APBB1IP: variants seen among roughly 807,000 people sequenced by gnomAD.
The protein encoded by APBB1IP is amyloid beta A4 precursor protein-binding family B member 1-interacting protein.
APBB1IP carries 27 observed loss-of-function variants against 64.9 expected under a neutral mutation model. That is an observed-to-expected ratio of 0.42 (90% CI 0.31 to 0.57). The LOEUF (loss-of-function observed/expected upper bound fraction) is 0.57, where lower values mean the gene tolerates loss of function less well. Among genes scored for constraint, APBB1IP ranks in the 20% least tolerant of loss-of-function variants. APBB1IP has a pLI of 0.20. For synonymous variants in APBB1IP, 392 were observed against 331.0 expected, an observed-to-expected ratio of 1.18 and a Z score of -2.00; for missense variants, 812 against 845.5, an observed-to-expected ratio of 0.96 and a Z score of 0.49.
chr10:26,521,429 T>C (rs1297405083), intron 8 of APBB1IP, among the ~76,000 whole-genome samples: 1 of 152,150 alleles, frequency 6.6e-6, no homozygotes, highest in Admixed American at 6.5e-5. Context: ...CAGGGACTGG[T>C]GCAGGGGTTG....
rs918239527 is a variant in APBB1IP at position 26,563,011 on chromosome 10, A to G, written c.1473+582A>G. On this transcript the variant is annotated intron_variant, in intron 14 of 14. Coordinates refer to ENST00000376236, the MANE Select transcript of APBB1IP (RefSeq NM_019043.4). ...TTAATTAGCTATGTTTACTTTGACC[A>G]AAGTGGTTTTCTTGGTTTAGTCAAG... Among the ~76,000 whole-genome samples, 4 of 152,318 alleles carry G rather than the reference A, an allele frequency of 2.6e-5. No homozygotes were observed. In the East Asian group the frequency reaches 7.7e-4, roughly 29 times the overall value.
intron 2 of APBB1IP, among the ~76,000 whole-genome samples, chr10:26,488,883 A>G (rs1835923815): frequency 6.6e-6 from 1 of 152,172 alleles, no homozygotes; most frequent in Non-Finnish European, 1.5e-5. Context: ...CTTAGCATTC[A>G]CTGAGTGGCT....
intron 6 of APBB1IP, 24 bp downstream of exon 6, chr10:26,503,298 T>C: frequency 1.2e-6 from 2 of 1,612,062 alleles, no homozygotes; most frequent in Non-Finnish European, 8.5e-7. Context: ...CCCTTTTGCA[T>C]GGGGGCAGTT....
At chr10:26,463,741 GTTTAC>G (rs1006134001) in intron 2 of APBB1IP, among the ~76,000 whole-genome samples, 13 of 152,154 alleles carry the variant, frequency 8.5e-5, no homozygotes, top group African/African-American at 3.1e-4. Flanking sequence ...TTTAAAAAAT[GTTTAC>G]TTTAAGGTCT....
intron 7 of APBB1IP, 96 bp downstream of exon 7, chr10:26,512,002 A>G (rs1836267336): frequency 7.4e-7 from 1 of 1,343,642 alleles, no homozygotes; most frequent in Non-Finnish European, 1.0e-6. Flanking sequence ...CTTTAATTTT[A>G]TATAAAAAAT....
At chr10:26,544,118 G>A (rs920798151) in intron 11 of APBB1IP, among the ~76,000 whole-genome samples, 5 of 152,160 alleles carry the variant, frequency 3.3e-5, no homozygotes, top group Non-Finnish European at 7.3e-5. Flanking sequence ...AGTTTCTCAG[G>A]CCCCCAGAGA....
At chr10:26,560,594 C>CA in intron 12 of APBB1IP, 136 bp from the exon 13 acceptor site, 1 of 595,532 alleles carries the variant, frequency 1.7e-6, no homozygotes, top group Non-Finnish European at 2.8e-6. Flanking sequence ...TGGAAATATC[C>CA]AAAAAACCAA....
chr10:26,446,895 G>GATAGATAGAA (rs1564346891), intron 2 of APBB1IP, among the ~76,000 whole-genome samples: 23 of 93,940 alleles, frequency 2.4e-4, no homozygotes, highest in Non-Finnish European at 4.1e-4. Flanking sequence ...GATAGAAATA[G>GATAGATAGAA]ATAGATATGG....
At chr10:26,501,370 T>C (rs1411034159) in intron 5 of APBB1IP, 6 of 546,692 alleles carry the variant, frequency 1.1e-5, no homozygotes, top group Non-Finnish European at 1.9e-5. Context: ...AAAAACTATT[T>C]GATAAAACTC....
rs1464252098 is a variant in APBB1IP, at chr10:26,555,206, C to T, written c.1156-4899C>T. 2.0e-5 allele frequency among the ~76,000 whole-genome samples: 3 copies of T among 152,306 alleles called. No homozygotes were observed. In the East Asian group the frequency reaches 5.8e-4, roughly 29 times the overall value. On this transcript the variant is annotated intron_variant, in intron 11 of 14. Transcript: ENST00000376236. ...TATTCTTCACTCCAGATCCATCTTC[C>T]TCATAGCCCCCAGTGACTTCCTGTG... is the stretch of plus-strand genomic sequence containing the variant.
intron 8 of APBB1IP, among the ~76,000 whole-genome samples, chr10:26,515,038 A>ATT (rs10668002): frequency 0.2 from 27,259 of 132,974 alleles, 3,094 homozygotes; most frequent in Non-Finnish European, 0.25. Flanking sequence ...CCCCCGGCTA[A>ATT]TTTTTTTTTT....
At chr10:26,453,912 C>T (rs983689190) in intron 2 of APBB1IP, among the ~76,000 whole-genome samples, 3 of 152,152 alleles carry the variant, frequency 2.0e-5, no homozygotes, top group Non-Finnish European at 4.4e-5. Context: ...AAGATATCTG[C>T]GCTTCTGTGT....
In APBB1IP at chr10:26,483,250, T is replaced by C. The variant is rs567578967; in HGVS notation, c.1-9077T>C. Among the ~76,000 whole-genome samples, 15 of 152,218 alleles carry C rather than the reference T, an allele frequency of 9.9e-5. No homozygotes were observed. The South Asian group carries it at 3.1e-3, about 32-fold the overall frequency. On this transcript the variant is annotated intron_variant, in intron 2 of 14. Transcript: ENST00000376236. ...CCACACAGAAAAATCTTCCAGAAAT[T>C]TGTTTAAGCCTCCAATCATGTCTGG...
At chr10:26,517,067 AGAG>A (rs1198257956) in intron 8 of APBB1IP, among the ~76,000 whole-genome samples, 2 of 152,220 alleles carry the variant, frequency 1.3e-5, no homozygotes, top group East Asian at 1.9e-4. Context: ...GCCTGCAGGA[AGAG>A]GAGGTCAGCT....
Position 26,567,311 on chromosome 10 carries a change from C to G in APBB1IP, c.1824C>G (p.Pro608=), listed in dbSNP as rs768010831. 1.8e-6 allele frequency: 2 copies of G among 1,139,350 alleles called. No individual in the cohort carries two copies. The highest frequency in any genetic ancestry group is 4.8e-5 in the South Asian group (2 of 41,740). 70.6% of individuals were successfully genotyped at this position (1,139,350 alleles called of 1,614,324 possible). The stretch of plus-strand genomic sequence containing the variant: ...CGCCGCCGCCGCCGCCGCCCGCGCC[C>G]GCGCCCGCCCCCGTCCCCGACTCCG... The part of the protein sequence containing the change: ...LPPPPPPPPA[P]APAPVPDSAR... Residue 608 remains proline (P), a synonymous_variant, in exon 15 of 15, where the codon CCC becomes CCG. Coordinates refer to ENST00000376236, the MANE Select transcript of APBB1IP (RefSeq NM_019043.4).
intron 2 of APBB1IP, among the ~76,000 whole-genome samples, chr10:26,459,137 T>C (rs1835561630): frequency 7.4e-6 from 1 of 134,876 alleles, no homozygotes; most frequent in Admixed American, 8.5e-5. Context: ...CCCCTTCCTG[T>C]GTCCATGTGT....
At chr10:26,512,145 A>G (rs1473922999) in intron 7 of APBB1IP, among the ~76,000 whole-genome samples, 1 of 152,100 alleles carries the variant, frequency 6.6e-6, no homozygotes, top group Non-Finnish European at 1.5e-5. Context: ...CATCCTTGAG[A>G]AGACTTTGGT....
At chr10:26,479,715 C>G (rs991793330) in intron 2 of APBB1IP, among the ~76,000 whole-genome samples, 2 of 152,214 alleles carry the variant, frequency 1.3e-5, no homozygotes, top group African/African-American at 4.8e-5. Context: ...GCTGCATATT[C>G]TTTTACCTTC....
At chr10:26,475,269 C>T (rs1400792861) in intron 2 of APBB1IP, among the ~76,000 whole-genome samples, 1 of 152,008 alleles carries the variant, frequency 6.6e-6, no homozygotes, top group East Asian at 1.9e-4. Flanking sequence ...ATTATAGGCC[C>T]CTGCCACCAC....
Sources: allele counts gnomAD v4.1 joint callset (sites outside exome capture counted in the v4.1 genomes callset), GRCh38; gene constraint gnomAD v4.1.1; transcripts MANE v1.5; gene names NCBI Gene and HGNC (gene_info 2026-07-23, HGNC 2026-07-21).